The following NRG1 variants were observed in gnomAD, a reference collection of about 807,000 sequenced individuals.
The protein encoded by NRG1 is neuregulin 1, also known as pro-neuregulin-1, membrane-bound isoform.
A neutral mutation model predicts 63.8 loss-of-function variants in NRG1; 18 were observed. That is an observed-to-expected ratio of 0.28 (90% CI 0.19 to 0.42). NRG1 has a LOEUF of 0.42. NRG1 is among the 10% of genes least tolerant of loss of function. NRG1 has a pLI of 1.00. For missense variants in NRG1, 762 were observed against 814.7 expected (o/e 0.94, Z 0.79); for synonymous variants, 302 against 301.3 (o/e 1.00, Z -0.02).
At chr8:32,113,249 C>A (rs1432650542) in intron 1 of NRG1, among the ~76,000 whole-genome samples, 2 of 152,174 alleles carry the variant, frequency 1.3e-5, no homozygotes, top group Admixed American at 6.5e-5. Flanking sequence ...TAGTAGGAGA[C>A]TGATGGTGAG....
At chr8:32,449,011 T>G (rs183482733) in intron 1 of NRG1, among the ~76,000 whole-genome samples, 2 of 152,126 alleles carry the variant, frequency 1.3e-5, no homozygotes, top group East Asian at 3.9e-4. Context: ...TCCAAAGCCA[T>G]CGGCCGGGCA....
intron 1 of NRG1, among the ~76,000 whole-genome samples, chr8:32,463,375 C>T (rs1822580455): frequency 6.6e-6 from 1 of 152,144 alleles, no homozygotes; most frequent in Non-Finnish European, 1.5e-5. Flanking sequence ...AACTTTTATA[C>T]TGTTTTCCAT....
At chr8:31,749,506 A>C (rs1816230632) in intron 1 of NRG1, among the ~76,000 whole-genome samples, 1 of 151,908 alleles carries the variant, frequency 6.6e-6, no homozygotes, top group African/African-American at 2.4e-5. Flanking sequence ...GTAGTATGTA[A>C]GCTGAAATAG....
intron 1 of NRG1, among the ~76,000 whole-genome samples, chr8:32,093,323 G>T (rs917057089): frequency 6.6e-6 from 1 of 152,176 alleles, no homozygotes; most frequent in Non-Finnish European, 1.5e-5. Flanking sequence ...CATGAATGAA[G>T]AAATTAAGGA....
intron 1 of NRG1, among the ~76,000 whole-genome samples, chr8:31,752,547 G>C (rs898982509): frequency 5.9e-5 from 9 of 152,024 alleles, no homozygotes; most frequent in African/African-American, 9.7e-5. Context: ...TGTAATCTAG[G>C]CTTGTCATTT....
chr8:31,905,975 G>A (rs1030364017), intron 1 of NRG1, among the ~76,000 whole-genome samples: 1 of 152,172 alleles, frequency 6.6e-6, no homozygotes, highest in African/African-American at 2.4e-5. Flanking sequence ...TGAATAGCGT[G>A]AACAATATTA....
intron 1 of NRG1, among the ~76,000 whole-genome samples, chr8:32,348,592 T>C (rs1038255400): frequency 6.6e-6 from 1 of 152,182 alleles, no homozygotes; most frequent in African/African-American, 2.4e-5. Context: ...GAAAAATCCT[T>C]TATAGCCACT....
At chr8:32,146,511 A>G (rs1836884715) in intron 1 of NRG1, among the ~76,000 whole-genome samples, 1 of 152,174 alleles carries the variant, frequency 6.6e-6, no homozygotes, top group Admixed American at 6.5e-5. Flanking sequence ...TCAATGTAAA[A>G]AAATTATCAT....
intron 1 of NRG1, among the ~76,000 whole-genome samples, chr8:31,959,388 G>T (rs561264505): frequency 3.9e-5 from 6 of 152,090 alleles, no homozygotes; most frequent in African/African-American, 9.7e-5. Context: ...CCAGTGCCAG[G>T]CTCTGTAGAA....
chr8:31,761,633 C>T (rs1004432463), intron 1 of NRG1, among the ~76,000 whole-genome samples: 1 of 151,992 alleles, frequency 6.6e-6, no homozygotes, highest in Non-Finnish European at 1.5e-5. Context: ...GTTTGTGGAG[C>T]AGTTAGAACA....
intron 1 of NRG1, among the ~76,000 whole-genome samples, chr8:31,959,861 G>A (rs1805156597): frequency 1.3e-5 from 2 of 149,330 alleles, no homozygotes; most frequent in South Asian, 4.3e-4. Flanking sequence ...GTCTCACTAT[G>A]CTGCCCAGGC....
chr8:32,375,259 C>T (rs746317054), intron 1 of NRG1, among the ~76,000 whole-genome samples: 35 of 152,042 alleles, frequency 2.3e-4, no homozygotes, highest in South Asian at 6.2e-4. Context: ...ATTACAGGTG[C>T]GAGCCACCGT....
At chr8:32,028,801 A>C (rs1817842958) in intron 1 of NRG1, among the ~76,000 whole-genome samples, 1 of 152,146 alleles carries the variant, frequency 6.6e-6, no homozygotes, top group Admixed American at 6.6e-5. Context: ...TGGAAAGGGG[A>C]ACATGAGATA....
intron 1 of NRG1, among the ~76,000 whole-genome samples, chr8:32,406,386 T>C (rs932864093): frequency 3.3e-5 from 5 of 152,092 alleles, no homozygotes; most frequent in Non-Finnish European, 5.9e-5. Context: ...TATTCAAAGG[T>C]TGTTGTGAAG....
intron 1 of NRG1, among the ~76,000 whole-genome samples, chr8:32,562,900 T>G (rs1836718835): frequency 6.6e-6 from 1 of 152,218 alleles, no homozygotes; most frequent in Non-Finnish European, 1.5e-5. Flanking sequence ...GCAAGGTTGA[T>G]GTAGATGAGG....
intron 5 of NRG1, among the ~76,000 whole-genome samples, chr8:32,661,185 T>G (rs1370273031): frequency 6.6e-6 from 1 of 152,196 alleles, no homozygotes; most frequent in Non-Finnish European, 1.5e-5. Flanking sequence ...TGGACAATCA[T>G]ATATGTGTAT....
intron 1 of NRG1, among the ~76,000 whole-genome samples, chr8:32,372,904 G>A (rs1809103382): frequency 6.6e-6 from 1 of 152,340 alleles, no homozygotes; most frequent in African/African-American, 2.4e-5. Flanking sequence ...CCAGTGTAAA[G>A]GAGAGGGAAG....
intron 5 of NRG1, among the ~76,000 whole-genome samples, chr8:32,665,179 G>A (rs1803827660): frequency 6.6e-6 from 1 of 152,020 alleles, no homozygotes; most frequent in African/African-American, 2.4e-5. Flanking sequence ...ATTTCTGTAT[G>A]GAAATTACAA....
intron 1 of NRG1, among the ~76,000 whole-genome samples, chr8:32,267,163 GAGAA>G (rs1242373534): frequency 2.0e-4 from 30 of 146,662 alleles, no homozygotes; most frequent in African/African-American, 6.3e-4. Flanking sequence ...AAGAAGGAAG[GAGAA>G]AGAAGGAAGG....
Sources: allele counts gnomAD v4.1 joint callset (sites outside exome capture counted in the v4.1 genomes callset), GRCh38; gene constraint gnomAD v4.1.1; transcripts MANE v1.5; gene names NCBI Gene and HGNC (gene_info 2026-07-23, HGNC 2026-07-21).